Variants in NCKAP5 observed in about 807,000 individuals in gnomAD.
NCKAP5 encodes nck-associated protein 5.
NCKAP5 carries 92 observed loss-of-function variants against 167.0 expected under a neutral mutation model. The ratio of observed to expected loss-of-function variants is 0.55; its 90% confidence interval spans 0.47 to 0.66. The LOEUF (loss-of-function observed/expected upper bound fraction) is 0.66. NCKAP5 is among the 30% of genes least tolerant of loss of function. The pLI, the probability that NCKAP5 is intolerant of heterozygous loss-of-function variation, is 0.00. For missense variants in NCKAP5, 2,378 were observed against 2,315.0 expected, an observed-to-expected ratio of 1.03 and a Z score of -0.56; for synonymous variants, 891 against 877.4, an observed-to-expected ratio of 1.02 and a Z score of -0.27.
chr2:133,608,434 G>T, the NCKAP5 span, among the ~76,000 whole-genome samples: 1 of 152,126 alleles, frequency 6.6e-6, no homozygotes, highest in Non-Finnish European at 1.5e-5. Context: ...TTAGAATCAA[G>T]GGCAAATAGC....
intron 19 of NCKAP5, among the ~76,000 whole-genome samples, chr2:132,673,583 G>A (rs1353329863): frequency 6.6e-6 from 1 of 152,038 alleles, no homozygotes; most frequent in East Asian, 1.9e-4. Context: ...ATTTGTTCAG[G>A]TAAAGTGCCT....
chr2:132,935,675 G>A (rs1466420034), intron 8 of NCKAP5, among the ~76,000 whole-genome samples: 2 of 152,180 alleles, frequency 1.3e-5, no homozygotes, highest in African/African-American at 4.8e-5. Context: ...CTAACTAGTG[G>A]TGGAATGGGA....
intron 6 of NCKAP5, among the ~76,000 whole-genome samples, chr2:133,112,809 A>G (rs2081959165): frequency 6.6e-6 from 1 of 152,228 alleles, no homozygotes; most frequent in South Asian, 2.1e-4. Context: ...ACAAATATCC[A>G]AATGCCACTA....
intron 19 of NCKAP5, among the ~76,000 whole-genome samples, chr2:132,688,333 T>G (rs1227143802): frequency 6.6e-6 from 1 of 152,162 alleles, no homozygotes; most frequent in African/African-American, 2.4e-5. Context: ...TATTAAAAAT[T>G]GTATAGAAAA....
intron 11 of NCKAP5, among the ~76,000 whole-genome samples, chr2:132,859,844 C>A (rs1423123114): frequency 2.0e-5 from 3 of 152,182 alleles, no homozygotes; most frequent in Non-Finnish European, 2.9e-5. Flanking sequence ...TCTCCCCATT[C>A]ATATGTTTCC....
rs760896241 is a variant in NCKAP5, at chr2:132,785,480, C to T, written c.1331G>A (p.Ser444Asn). ...EGIYSPGIKS[S>N]SLKEYPPCKT... The stretch of plus-strand genomic sequence containing the variant: ...GCAGGGGGGATACTCCTTGAGGCTG[C>T]TACTTTTAATTCCAGGAGAATATAT... Residue 444 changes from serine (S) to asparagine (N), a missense_variant, in exon 14 of 20, where the codon AGC becomes AAC. This residue lies in a region of NCKAP5 where 1,049 missense variants were observed against 1,023.4 expected (regional missense o/e 1.02). Coordinates refer to ENST00000409261, the MANE Select transcript of NCKAP5 (RefSeq NM_207363.3). 1 of 1,613,194 alleles carries T rather than the reference C, an allele frequency of 6.2e-7. No individual in the cohort carries two copies. Among genetic ancestry groups the T allele is most frequent in the Non-Finnish European group, 8.5e-7 (1 of 1,179,586 alleles).
At chr2:133,038,253 G>A (rs776687487) in intron 6 of NCKAP5, among the ~76,000 whole-genome samples, 13 of 152,086 alleles carry the variant, frequency 8.5e-5, no homozygotes, top group South Asian at 2.1e-4. Flanking sequence ...TACAGAAAAC[G>A]TGGTACATGT....
chr2:133,452,404 A>C (rs1691605640), intron 3 of NCKAP5, among the ~76,000 whole-genome samples: 1 of 152,200 alleles, frequency 6.6e-6, no homozygotes, highest in East Asian at 1.9e-4. Context: ...ATATGTGCCC[A>C]AGAAGGAAAT....
intron 3 of NCKAP5, among the ~76,000 whole-genome samples, chr2:133,464,885 T>C (rs1461473392): frequency 6.6e-6 from 1 of 151,948 alleles, no homozygotes; most frequent in Non-Finnish European, 1.5e-5. Context: ...CAACGTGGCA[T>C]GGGGCTCTCG....
At chr2:132,881,713 C>T (rs747529611) in intron 8 of NCKAP5, among the ~76,000 whole-genome samples, 2 of 152,090 alleles carry the variant, frequency 1.3e-5, no homozygotes, top group South Asian at 2.1e-4. Flanking sequence ...ACGTGACATC[C>T]ATGGGACCTG....
intron 5 of NCKAP5, among the ~76,000 whole-genome samples, chr2:133,134,924 G>A (rs1407981318): frequency 6.6e-6 from 1 of 152,206 alleles, no homozygotes; most frequent in Non-Finnish European, 1.5e-5. Flanking sequence ...AACTGTGCGT[G>A]TAAAAGCAGC....
chr2:133,141,400 T>C lies in NCKAP5; in HGVS notation c.208-11289A>G, dbSNP rs994187397. On this transcript the variant is annotated intron_variant, in intron 5 of 19. Coordinates refer to ENST00000409261, the MANE Select transcript of NCKAP5 (RefSeq NM_207363.3). ...GTTCGCCCTACTAGACTGTACAGAG[T>C]AGTGGAAAGGAAAAAAAAAAAACAC... Among the ~76,000 whole-genome samples, 3 of 149,502 alleles carry C rather than the reference T, an allele frequency of 2.0e-5. No individual in the cohort carries two copies. In the East Asian group the frequency reaches 6.4e-4, roughly 32 times the overall value.
the NCKAP5 span, among the ~76,000 whole-genome samples, chr2:133,639,915 C>G: frequency 5.3e-5 from 8 of 152,216 alleles, no homozygotes; most frequent in African/African-American, 1.9e-4. Context: ...ACACAATTAT[C>G]ATGGACGAAT....
intron 6 of NCKAP5, among the ~76,000 whole-genome samples, chr2:133,022,494 G>C (rs2078561136): frequency 6.6e-6 from 1 of 152,180 alleles, no homozygotes; most frequent in Non-Finnish European, 1.5e-5. Context: ...CCTAAAGATG[G>C]ATCCTCCAGG....
In NCKAP5 at chr2:133,307,877, G is replaced by T. The variant is rs570485173; in HGVS notation, c.70-4767C>A. On this transcript the variant is annotated intron_variant, in intron 3 of 19. Coordinates refer to ENST00000409261, the MANE Select transcript of NCKAP5 (RefSeq NM_207363.3). ...TATGGAATTCACAATATAAAAAGAG[G>T]CTTCAAAGGAGGTTCATCCCCCCAA... Among the ~76,000 whole-genome samples, 3 of 151,958 alleles carry T rather than the reference G, an allele frequency of 2.0e-5. No individual in the cohort carries two copies. The East Asian group carries it at 5.8e-4, about 29-fold the overall frequency.
intron 4 of NCKAP5, chr2:133,264,824 T>C (rs893356310): frequency 3.9e-5 from 6 of 152,122 alleles, no homozygotes; most frequent in African/African-American, 1.2e-4. Flanking sequence ...TAGTCCAGGA[T>C]GGCTCAGAGA....
chr2:133,645,231 A>C, the NCKAP5 span, among the ~76,000 whole-genome samples: 3 of 152,242 alleles, frequency 2.0e-5, no homozygotes, highest in Admixed American at 1.3e-4. Context: ...TAAATGTCAG[A>C]AATAAATCAA....
chr2:133,404,203 A>G (rs765512620), intron 3 of NCKAP5, among the ~76,000 whole-genome samples: 1 of 152,244 alleles, frequency 6.6e-6, no homozygotes, highest in Non-Finnish European at 1.5e-5. Context: ...TAGAAAATGA[A>G]CATTTGGGCT....
intron 3 of NCKAP5, among the ~76,000 whole-genome samples, chr2:133,317,576 A>T (rs1405505468): frequency 6.6e-6 from 1 of 152,146 alleles, no homozygotes; most frequent in Non-Finnish European, 1.5e-5. Context: ...GGCCTATTCA[A>T]TAGAACCTGC....
Sources: gnomAD v4.1 joint callset for allele counts (sites outside exome capture counted in the v4.1 genomes callset) on GRCh38, gnomAD v4.1.1 for gene constraint, gnomAD v4.1.1 regional missense constraint, MANE v1.5 for transcripts, NCBI Gene and HGNC (gene_info 2026-07-23, HGNC 2026-07-21) for gene names.